TAF15: variants seen among roughly 807,000 people sequenced by gnomAD.
TAF15 encodes TATA-binding protein-associated factor 2N.
TAF15 carries 37 observed loss-of-function variants against 102.5 expected under a neutral mutation model. That is an observed-to-expected ratio of 0.36 (90% CI 0.28 to 0.47). TAF15 has a LOEUF of 0.47. Among genes scored for constraint, TAF15 ranks in the 20% least tolerant of loss-of-function variants. The pLI, the probability that TAF15 is intolerant of heterozygous loss-of-function variation, is 0.99. For synonymous variants in TAF15, 273 were observed against 259.2 expected, an observed-to-expected ratio of 1.05 and a Z score of -0.51; for missense variants, 652 against 760.7, an observed-to-expected ratio of 0.86 and a Z score of 1.68.
rs1394368416 is a variant in TAF15, at chr17:35,813,153, A to G, written c.7+3577A>G. 5.9e-5 allele frequency among the ~76,000 whole-genome samples: 9 copies of G among 151,978 alleles called. No homozygotes were observed. The South Asian group carries it at 1.2e-3, about 21-fold the overall frequency. ...AAAAAAAAAAAAGATCAAGGTGTTA[A>G]TAAAACAAGCCACATAGATTTGAAA... On this transcript the variant is annotated intron_variant, in intron 1 of 15. Transcript: ENST00000605844.
At chr17:35,812,583 C>CAAAAA (rs34497840) in intron 1 of TAF15, among the ~76,000 whole-genome samples, 21 of 66,258 alleles carry the variant, frequency 3.2e-4, no homozygotes, top group East Asian at 1.7e-3. Flanking sequence ...AACTCTATCT[C>CAAAAA]AAAAAAAAAA....
intron 7 of TAF15, among the ~76,000 whole-genome samples, chr17:35,827,987 A>T (rs1209849529): frequency 6.6e-6 from 1 of 152,218 alleles, no homozygotes; most frequent in Non-Finnish European, 1.5e-5. Flanking sequence ...AGTGGACTAG[A>T]AGTTAAGGGC....
chr17:35,834,390 T>G, intron 8 of TAF15, 176 bp from the exon 9 acceptor site: 1 of 626,834 alleles, frequency 1.6e-6, no homozygotes, highest in East Asian at 2.8e-5. Context: ...TCATCTTGAT[T>G]TCCTAAACTT....
Position 35,844,321 on chromosome 17 carries a change from A to T in TAF15, c.1130A>T (p.Asn377Ile). The T allele has an allele frequency of 6.2e-7, 1 of 1,614,238 alleles. No individual in the cohort carries two copies. Among genetic ancestry groups the T allele is most frequent in the Non-Finnish European group, 8.5e-7 (1 of 1,180,052 alleles). ...NMNFARRNSC[N>I]QCNEPRPEDS... Reference sequence around the variant, plus strand: ...AACTTTGCTCGAAGGAATTCCTGCAATCAGTGCAATGAGCCTAGACCAGAG... The same window carrying T: ...AACTTTGCTCGAAGGAATTCCTGCATTCAGTGCAATGAGCCTAGACCAGAG... The change falls in exon 14 of 16, where the codon AAT becomes ATT. Residue 377 changes from asparagine (N) to isoleucine (I), a missense_variant. Asn to Ile is a moderately radical substitution (Grantham distance 149). This residue lies in a region of TAF15 where 368 missense variants were observed against 367.5 expected (regional missense o/e 1.00). Transcript: ENST00000605844.
At chr17:35,833,011 C>A (rs775782950) in intron 7 of TAF15, among the ~76,000 whole-genome samples, 13 of 151,982 alleles carry the variant, frequency 8.6e-5, no homozygotes, top group Non-Finnish European at 1.8e-4. Context: ...ACAGAAGTTA[C>A]CTGGGTGTGG....
chr17:35,819,654 G>A (rs754473735), intron 2 of TAF15, among the ~76,000 whole-genome samples: 1 of 152,126 alleles, frequency 6.6e-6, no homozygotes, highest in Non-Finnish European at 1.5e-5. Flanking sequence ...CATTTTTTGT[G>A]TAGTCATCAT....
In TAF15 at chr17:35,844,812, C is replaced by T. The variant is rs776948802; in HGVS notation, c.1513C>T (p.Arg505Ter). 1.3e-6 allele frequency: 2 copies of T among 1,585,468 alleles called. No homozygotes were observed. The highest frequency in any genetic ancestry group is 1.7e-6 in the Non-Finnish European group (2 of 1,163,460). The change falls in exon 15 of 16, where the codon CGA becomes TGA. Residue 505 changes from arginine (R) to a stop codon, truncating the protein, a stop_gained. Coordinates refer to ENST00000605844, the MANE Select transcript of TAF15 (RefSeq NM_139215.3). LOFTEE classifies it high-confidence loss of function. ...AGACCGAGGAGGCTATGGAGGAGAT[C>T]GAGGAGGTTACGGAGGAGATCGAGG... is the stretch of plus-strand genomic sequence containing the variant. ...GGDRGGYGGD[R>*]GGYGGDRGGY...
At chr17:35,833,053 A>G (rs950683471) in intron 7 of TAF15, among the ~76,000 whole-genome samples, 2 of 151,956 alleles carry the variant, frequency 1.3e-5, no homozygotes, top group African/African-American at 2.4e-5. Flanking sequence ...GCTACTAGGG[A>G]GGCTAAGGCA....
At chr17:35,830,293 A>T (rs1007835320) in intron 7 of TAF15, 34 of 152,196 alleles carry the variant, frequency 2.2e-4, no homozygotes, top group African/African-American at 8.2e-4. Context: ...CAAAAAACAA[A>T]CAAAAAAACC....
rs757076861 is a variant in TAF15, at chr17:35,836,117, CTT to C, written c.674-9_674-8del. On this transcript the variant is annotated splice_polypyrimidine_tract_variant and intron_variant, in intron 9 of 15. Transcript: ENST00000605844. ...AAGGAATATGTAAAATTAACCATCACTTTTTTTCTCTTAGATTCAGAATCTGA... is the reference window on the plus strand; with the variant it reads ...AAGGAATATGTAAAATTAACCATCACTTTTTCTCTTAGATTCAGAATCTGA... 7 of 1,569,810 alleles carry C rather than the reference CTT, an allele frequency of 4.5e-6. 1 individual carries two copies. Among genetic ancestry groups the C allele is most frequent in the Middle Eastern group, 3.4e-4 (2 of 5,934 alleles).
intron 10 of TAF15, among the ~76,000 whole-genome samples, chr17:35,836,511 G>A (rs1386281756): frequency 6.6e-6 from 1 of 152,194 alleles, no homozygotes; most frequent in Non-Finnish European, 1.5e-5. Flanking sequence ...TTATAACTGT[G>A]AGAAATAAAG....
At chr17:35,841,705 T>A (rs976994027) in intron 11 of TAF15, among the ~76,000 whole-genome samples, 16 of 150,920 alleles carry the variant, frequency 1.1e-4, no homozygotes, top group African/African-American at 3.9e-4. Flanking sequence ...GCTTTTTTTT[T>A]TTTTTTTTTG....
chr17:35,811,438 T>C (rs1238456115), intron 1 of TAF15: 1 of 152,238 alleles, frequency 6.6e-6, no homozygotes, highest in Non-Finnish European at 1.5e-5. Context: ...TTCAATTAAT[T>C]AAAGCTAGAC....
At chr17:35,827,944 C>G (rs554364645) in intron 7 of TAF15, among the ~76,000 whole-genome samples, 1 of 152,236 alleles carries the variant, frequency 6.6e-6, no homozygotes, top group Admixed American at 6.5e-5. Context: ...AAGAAAATTT[C>G]TTACTGTCAT....
chr17:35,811,447 A>G (rs1352606641), intron 1 of TAF15: 1 of 152,066 alleles, frequency 6.6e-6, no homozygotes, highest in African/African-American at 2.4e-5. Context: ...TTAAAGCTAG[A>G]CTCTTTATAT....
At chr17:35,838,577 C>T in intron 11 of TAF15, 24 bp downstream of exon 11, 1 of 1,612,794 alleles carries the variant, frequency 6.2e-7, no homozygotes. Flanking sequence ...GTATAGTTTT[C>T]AGCATGAAGT....
intron 11 of TAF15, among the ~76,000 whole-genome samples, chr17:35,839,827 G>A (rs1397877009): frequency 6.6e-6 from 1 of 151,990 alleles, no homozygotes; most frequent in Non-Finnish European, 1.5e-5. Flanking sequence ...ATAGAGTTTT[G>A]TCTTACGGTA....
At chr17:35,845,961 A>G (rs2087618963) in intron 15 of TAF15, among the ~76,000 whole-genome samples, 1 of 152,228 alleles carries the variant, frequency 6.6e-6, no homozygotes, top group Non-Finnish European at 1.5e-5. Context: ...TTTTCAGATC[A>G]TATATACTAC....
intron 10 of TAF15, among the ~76,000 whole-genome samples, chr17:35,838,015 C>T (rs1264174351): frequency 1.3e-5 from 2 of 149,598 alleles, no homozygotes; most frequent in Admixed American, 6.7e-5. Flanking sequence ...TAGCAAGACC[C>T]CATCTCTACA....
Sources: gnomAD v4.1 joint callset for allele counts (sites outside exome capture counted in the v4.1 genomes callset) on GRCh38, gnomAD v4.1.1 for gene constraint, gnomAD v4.1.1 regional missense constraint, MANE v1.5 for transcripts, NCBI Gene and HGNC (gene_info 2026-07-23, HGNC 2026-07-21) for gene names.